CACNA1C: variants seen among roughly 807,000 people sequenced by gnomAD.
CACNA1C encodes the protein calcium voltage-gated channel subunit alpha1 C, also known as voltage-dependent L-type calcium channel subunit alpha-1C.
In CACNA1C, 30 loss-of-function variants were observed where a neutral mutation model predicts 229.0. The ratio of observed to expected loss-of-function variants is 0.13; its 90% CI spans 0.10 to 0.18. CACNA1C has a LOEUF of 0.18. Among genes scored for constraint, CACNA1C ranks in the 10% least tolerant of loss-of-function variants. The pLI is 1.00. For synonymous variants in CACNA1C, 1,114 were observed against 1,132.5 expected, an observed-to-expected ratio of 0.98 and a Z score of 0.33; for missense variants, 1,658 against 2,845.0, an observed-to-expected ratio of 0.58 and a Z score of 9.49.
At chr12:2,196,306 A>G (rs1039504526) in intron 3 of CACNA1C, among the ~76,000 whole-genome samples, 1 of 152,164 alleles carries the variant, frequency 6.6e-6, no homozygotes, top group Admixed American at 6.5e-5. Context: ...TCTTAGTGGG[A>G]AGTAATGAAT....
chr12:2,576,593 C>A (rs918445307), intron 13 of CACNA1C, among the ~76,000 whole-genome samples: 1 of 152,032 alleles, frequency 6.6e-6, no homozygotes, highest in African/African-American at 2.4e-5. Flanking sequence ...TGCCATTAAC[C>A]CCTCTAGTTT....
At chr12:2,171,759 T>G (rs910476414) in intron 3 of CACNA1C, among the ~76,000 whole-genome samples, 1 of 152,110 alleles carries the variant, frequency 6.6e-6, no homozygotes, top group Non-Finnish European at 1.5e-5. Context: ...TACGGGTAAG[T>G]GCTTTCAAGA....
intron 13 of CACNA1C, among the ~76,000 whole-genome samples, chr12:2,577,567 C>T (rs915516992): frequency 9.2e-5 from 14 of 152,230 alleles, no homozygotes; most frequent in Non-Finnish European, 1.8e-4. Context: ...GGAGCAGGGG[C>T]AGGCAGCCAC....
chr12:2,024,334 G>A (rs1312658906), intron 1 of CACNA1C, among the ~76,000 whole-genome samples: 2 of 152,168 alleles, frequency 1.3e-5, no homozygotes, highest in Non-Finnish European at 2.9e-5. Flanking sequence ...TCCTTAGATG[G>A]GGAACACAGA....
intron 3 of CACNA1C, among the ~76,000 whole-genome samples, chr12:2,267,767 T>G (rs1333498359): frequency 6.6e-6 from 1 of 152,312 alleles, no homozygotes; most frequent in East Asian, 1.9e-4. Flanking sequence ...GGTTGGAATG[T>G]GTCTGCGGAG....
intron 3 of CACNA1C, among the ~76,000 whole-genome samples, chr12:2,385,121 A>G (rs1410273206): frequency 6.6e-6 from 1 of 152,228 alleles, no homozygotes; most frequent in Non-Finnish European, 1.5e-5. Flanking sequence ...CTTTATACCC[A>G]TAACAAGTTG....
chr12:2,211,592 A>T (rs2097916885), intron 3 of CACNA1C, among the ~76,000 whole-genome samples: 2 of 152,164 alleles, frequency 1.3e-5, no homozygotes, highest in Admixed American at 6.5e-5. Flanking sequence ...AAGAGTGTAA[A>T]GTCATTCATG....
intron 38 of CACNA1C, among the ~76,000 whole-genome samples, chr12:2,670,715 C>T (rs896737951): frequency 9.2e-5 from 14 of 151,734 alleles, no homozygotes; most frequent in South Asian, 2.1e-4. Context: ...AAAAATTAGC[C>T]GGGCGTGGTG....
At chr12:2,470,364 GC>G (rs2099584579) in intron 5 of CACNA1C, among the ~76,000 whole-genome samples, 2 of 152,226 alleles carry the variant, frequency 1.3e-5, no homozygotes, top group South Asian at 4.2e-4. Flanking sequence ...AATAATAAAG[GC>G]CACTTAGGCT....
intron 3 of CACNA1C, among the ~76,000 whole-genome samples, chr12:2,268,616 G>A (rs1192047563): frequency 2.0e-5 from 3 of 152,270 alleles, no homozygotes; most frequent in African/African-American, 4.8e-5. Context: ...GTCCTGGGGG[G>A]AGGGTTCCTC....
Position 2,307,507 on chromosome 12 carries a change from A to G in CACNA1C, c.478-141469A>G, listed in dbSNP as rs552047810. ...GCTGCATAGCTCTACTTCTCTGCAA[A>G]GGGTGCTGGGGCCGAGATTCATGGC... On this transcript the variant is annotated intron_variant, in intron 3 of 46. Coordinates refer to ENST00000399655, the MANE Select transcript of CACNA1C (RefSeq NM_000719.7). Among the ~76,000 whole-genome samples the G allele has an allele frequency of 7.2e-5, 11 of 152,262 alleles. No homozygotes were observed. The South Asian group carries it at 2.3e-3, about 32-fold the overall frequency.
At chr12:2,562,808 ATG>A (rs995083786) in intron 11 of CACNA1C, among the ~76,000 whole-genome samples, 2 of 152,366 alleles carry the variant, frequency 1.3e-5, no homozygotes, top group Admixed American at 1.3e-4. Context: ...CAGGTGTACA[ATG>A]TGCAAAAATC....
chr12:2,626,912 T>C (rs216016), intron 29 of CACNA1C, among the ~76,000 whole-genome samples: 10,881 of 152,014 alleles, frequency 0.072, 392 homozygotes, highest in Middle Eastern at 0.12. Flanking sequence ...AATGAATGAG[T>C]AAATAAATGG....
chr12:2,682,429 T>C (rs2097194542), intron 42 of CACNA1C, 121 bp from the exon 43 acceptor site: 1 of 1,159,058 alleles, frequency 8.6e-7, no homozygotes, highest in African/African-American at 1.5e-5. Context: ...CACGTGTGTG[T>C]GCTTGTGTTT....
chr12:1,973,918 C>T (rs945594306), intron 1 of CACNA1C, among the ~76,000 whole-genome samples: 1 of 152,168 alleles, frequency 6.6e-6, no homozygotes, highest in Admixed American at 6.5e-5. Flanking sequence ...TCTCTCTACT[C>T]GTCCTTGAAG....
At position 2,468,828 on chromosome 12, in the gene CACNA1C, T is replaced by C. The variant is rs534116556; in HGVS notation, c.757+11122T>C. ...AGCTGTGTGACCTTGTCATTTAACC[T>C]CTGACCCTCAGCCTCCTCACCTGCA... On this transcript the variant is annotated intron_variant, in intron 5 of 46. Coordinates refer to ENST00000399655, the MANE Select transcript of CACNA1C (RefSeq NM_000719.7). Among the ~76,000 whole-genome samples the C allele has an allele frequency of 9.8e-5, 15 of 152,330 alleles. No homozygotes were observed. In the South Asian group the frequency reaches 3.1e-3, roughly 32 times the overall value.
intron 3 of CACNA1C, among the ~76,000 whole-genome samples, chr12:2,438,359 A>G (rs61623046): frequency 0.27 from 37,599 of 137,042 alleles, 5,482 homozygotes; most frequent in African/African-American, 0.32. Flanking sequence ...GGTGGTGGTA[A>G]TGATGGTGGT....
intron 3 of CACNA1C, among the ~76,000 whole-genome samples, chr12:2,252,864 C>CTTT (rs77872904): frequency 7.0e-6 from 1 of 143,134 alleles, no homozygotes; most frequent in Non-Finnish European, 1.5e-5. Context: ...ATGGGTTTAA[C>CTTT]TTTTTTTTTT....
intron 3 of CACNA1C, among the ~76,000 whole-genome samples, chr12:2,439,750 T>C (rs2099199290): frequency 6.6e-6 from 1 of 151,864 alleles, no homozygotes; most frequent in Admixed American, 6.6e-5. Context: ...GTAAAAGCAA[T>C]GAAACTAGCA....
Sources: allele counts gnomAD v4.1 joint callset (sites outside exome capture counted in the v4.1 genomes callset), GRCh38; gene constraint gnomAD v4.1.1; transcripts MANE v1.5; gene names NCBI Gene and HGNC (gene_info 2026-07-23, HGNC 2026-07-21).